ACCSL: variants seen among roughly 807,000 people sequenced by gnomAD.
The protein encoded by ACCSL is probable inactive 1-aminocyclopropane-1-carboxylate synthase-like protein 2.
Under a neutral mutation model 61.7 loss-of-function variants are expected in ACCSL, and 55 were observed. The observed-to-expected ratio is 0.89, with a 90% CI of 0.72 to 1.12. The LOEUF is 1.12. Among genes scored for constraint, ACCSL ranks in the 50% most tolerant of loss-of-function variants. The pLI, the probability that ACCSL is intolerant of heterozygous loss-of-function variation, is 0.00. For missense variants in ACCSL, 632 were observed against 698.0 expected, an observed-to-expected ratio of 0.91 and a Z score of 1.07; for synonymous variants, 258 against 264.3, an observed-to-expected ratio of 0.98 and a Z score of 0.23.
the ACCSL span, among the ~76,000 whole-genome samples, chr11:43,976,871 T>C: frequency 6.6e-6 from 1 of 152,202 alleles, no homozygotes; most frequent in Admixed American, 6.5e-5. Flanking sequence ...TAGTGTCTCA[T>C]AGGCACACAC....
At chr11:43,934,480 A>G in the ACCSL span, among the ~76,000 whole-genome samples, 15 of 152,124 alleles carry the variant, frequency 9.9e-5, no homozygotes, top group East Asian at 9.6e-4. Context: ...ACACACGCGC[A>G]CACACATGCG....
chr11:43,951,284 G>A, the ACCSL span, among the ~76,000 whole-genome samples: 2 of 152,204 alleles, frequency 1.3e-5, no homozygotes, highest in Non-Finnish European at 2.9e-5. Flanking sequence ...GAGTTCTGTT[G>A]TTGCTTAGCC....
chr11:44,004,932 G>GT, the ACCSL span, among the ~76,000 whole-genome samples: 1 of 152,180 alleles, frequency 6.6e-6, no homozygotes. Context: ...AGCAGGGAGA[G>GT]GATACCTGCC....
chr11:43,972,975 T>C, the ACCSL span, among the ~76,000 whole-genome samples: 282 of 152,310 alleles, frequency 1.9e-3, 2 homozygotes, highest in African/African-American at 6.4e-3. Context: ...AGACTCCATC[T>C]CTCTCTTTTT....
At chr11:43,979,646 C>T in the ACCSL span, among the ~76,000 whole-genome samples, 58 of 152,102 alleles carry the variant, frequency 3.8e-4, 1 homozygote, top group Non-Finnish European at 6.0e-4. Context: ...TCACATGCTT[C>T]GTTTCTAATT....
the ACCSL span, among the ~76,000 whole-genome samples, chr11:43,980,260 A>G: frequency 6.6e-6 from 1 of 152,200 alleles, no homozygotes; most frequent in Non-Finnish European, 1.5e-5. Flanking sequence ...ATAGTGATGA[A>G]TATTTTTGCA....
chr11:44,043,635 A>C (rs1407446189), upstream of ACCSL, among the ~76,000 whole-genome samples: 1 of 152,170 alleles, frequency 6.6e-6, no homozygotes, highest in Non-Finnish European at 1.5e-5. Context: ...GCTTATTCAA[A>C]TGATTTTTGT....
chr11:43,989,385 C>G, the ACCSL span, among the ~76,000 whole-genome samples: 1 of 152,246 alleles, frequency 6.6e-6, no homozygotes, highest in East Asian at 1.9e-4. Context: ...CGCCTGCCTT[C>G]CTGCCTAGGC....
the ACCSL span, among the ~76,000 whole-genome samples, chr11:44,000,636 A>C: frequency 6.6e-6 from 1 of 151,122 alleles, no homozygotes; most frequent in African/African-American, 2.4e-5. Flanking sequence ...TCTATTAAAA[A>C]AAAAAAAAAT....
At chr11:44,051,838 G>A in intron 5 of ACCSL, 119 bp downstream of exon 5, 1 of 1,210,102 alleles carries the variant, frequency 8.3e-7, no homozygotes, top group Non-Finnish European at 1.2e-6. Flanking sequence ...TCCCCAAAGT[G>A]GTGGGCCTTC....
At chr11:44,033,356 C>A in the ACCSL span, among the ~76,000 whole-genome samples, 19 of 152,230 alleles carry the variant, frequency 1.2e-4, no homozygotes, top group African/African-American at 4.3e-4. Flanking sequence ...CGTATCAGAC[C>A]ACAACACACC....
the ACCSL span, among the ~76,000 whole-genome samples, chr11:44,008,580 T>C: frequency 6.6e-6 from 1 of 152,256 alleles, no homozygotes; most frequent in Non-Finnish European, 1.5e-5. Flanking sequence ...GAAGATGGCT[T>C]GGGACCGGCT....
the ACCSL span, chr11:43,926,556 T>C: frequency 1.6e-5 from 7 of 451,154 alleles, no homozygotes; most frequent in Non-Finnish European, 2.7e-5. Context: ...CGGTGAGGGA[T>C]ACGTGAAAGG....
At chr11:44,005,848 C>T in the ACCSL span, among the ~76,000 whole-genome samples, 1 of 152,182 alleles carries the variant, frequency 6.6e-6, no homozygotes, top group African/African-American at 2.4e-5. Flanking sequence ...GGCTTACAGG[C>T]ATGTAGGATT....
chr11:44,033,770 G>T, the ACCSL span, among the ~76,000 whole-genome samples: 1 of 152,050 alleles, frequency 6.6e-6, no homozygotes, highest in African/African-American at 2.4e-5. Context: ...TTTGGGGGGA[G>T]AGTAAACAGA....
the ACCSL span, among the ~76,000 whole-genome samples, chr11:44,000,654 G>T: frequency 6.7e-6 from 1 of 149,038 alleles, no homozygotes; most frequent in African/African-American, 2.5e-5. Flanking sequence ...AATGCCTGTT[G>T]CAGTGTGGCA....
At chr11:43,954,192 G>A in the ACCSL span, among the ~76,000 whole-genome samples, 24,750 of 152,116 alleles carry the variant, frequency 0.16, 2,190 homozygotes, top group Middle Eastern at 0.39. Flanking sequence ...ATGAGCAAAT[G>A]TGTTTTGTTA....
rs1276337467 is a variant in ACCSL at position 44,048,558 on chromosome 11, G to C, written c.504+18G>C. On this transcript the variant is annotated intron_variant, in intron 1 of 13. Transcript: ENST00000378832. ...ACACCTTGGTGAGAATTTGGGGTGG[G>C]GGGTGGGCAGCATCCTCACGGGCTC... 9.2e-6 allele frequency: 2 copies of C among 217,668 alleles called. No homozygotes were observed. The highest frequency in any genetic ancestry group is 1.6e-5 in the Non-Finnish European group (2 of 123,472). The allele number at this position is 217,668 out of a possible 1,614,324, so 13.5% of individuals were successfully genotyped here. A position where few individuals can be genotyped will look rare whatever the true frequency, so the allele number is the denominator to read the frequency against.
the ACCSL span, among the ~76,000 whole-genome samples, chr11:43,934,025 G>T: frequency 6.6e-6 from 1 of 151,894 alleles, no homozygotes; most frequent in Admixed American, 6.5e-5. Context: ...CTGATGGACC[G>T]ATGAGGGGGC....
Sources: gnomAD v4.1 joint callset for allele counts (sites outside exome capture counted in the v4.1 genomes callset) on GRCh38, gnomAD v4.1.1 for gene constraint, MANE v1.5 for transcripts, NCBI Gene and HGNC (gene_info 2026-07-23, HGNC 2026-07-21) for gene names.